The following RBMS3 variants were observed in gnomAD, a reference collection of about 807,000 sequenced individuals.
RBMS3 encodes RNA binding motif single stranded interacting protein 3.
In RBMS3, 27 loss-of-function variants were observed where a neutral mutation model predicts 66.8. The ratio of observed to expected loss-of-function variants is 0.40; its 90% CI spans 0.30 to 0.56. RBMS3 has a LOEUF of 0.56. RBMS3 is among the 20% of genes least tolerant of loss of function. The pLI is 0.40. For synonymous variants in RBMS3, 188 were observed against 183.0 expected, an observed-to-expected ratio of 1.03 and a Z score of -0.22; for missense variants, 513 against 549.5, an observed-to-expected ratio of 0.93 and a Z score of 0.66.
chr3:29,613,752 A>G (rs1225381992), intron 4 of RBMS3, among the ~76,000 whole-genome samples: 1 of 152,096 alleles, frequency 6.6e-6, no homozygotes, highest in African/African-American at 2.4e-5. Context: ...AATGCTCAAC[A>G]TCACTAATCA....
chr3:29,855,269 A>G lies in RBMS3; in HGVS notation c.638-13589A>G, dbSNP rs1478037430. On this transcript the variant is annotated intron_variant, in intron 6 of 14. Coordinates refer to ENST00000383767, the MANE Select transcript of RBMS3 (RefSeq NM_001003793.3). The stretch of plus-strand genomic sequence containing the variant: ...AAACTGAGTTGTGAAAATTAAGTCT[A>G]TTATCAGTAAAAAGATCATATATAT... Among the ~76,000 whole-genome samples the G allele has an allele frequency of 2.0e-5, 3 of 152,180 alleles. No individual in the cohort carries two copies. The East Asian group carries it at 5.8e-4, about 29-fold the overall frequency.
At chr3:29,431,035 G>A (rs913991727) in intron 1 of RBMS3, among the ~76,000 whole-genome samples, 4 of 152,122 alleles carry the variant, frequency 2.6e-5, no homozygotes, top group Non-Finnish European at 5.9e-5. Context: ...AGTTTTGTGA[G>A]GATTCCAAGA....
chr3:29,345,885 C>CA (rs1181793256), intron 1 of RBMS3, among the ~76,000 whole-genome samples: 3 of 152,140 alleles, frequency 2.0e-5, no homozygotes, highest in South Asian at 2.1e-4. Context: ...CCAGACTGTA[C>CA]AAATGGCCAG....
intron 3 of RBMS3, among the ~76,000 whole-genome samples, chr3:29,498,609 C>G (rs984467698): frequency 2.0e-5 from 3 of 152,124 alleles, no homozygotes; most frequent in African/African-American, 4.8e-5. Flanking sequence ...AAGTTATGAT[C>G]TTAGTTTCCT....
At chr3:29,426,049 G>C (rs1020586487) in intron 1 of RBMS3, among the ~76,000 whole-genome samples, 2 of 152,122 alleles carry the variant, frequency 1.3e-5, no homozygotes, top group Non-Finnish European at 2.9e-5. Flanking sequence ...ACACATCATG[G>C]CTCATTATTC....
intron 12 of RBMS3, among the ~76,000 whole-genome samples, chr3:29,981,873 T>C (rs554516195): frequency 1.3e-5 from 2 of 152,348 alleles, no homozygotes; most frequent in African/African-American, 4.8e-5. Context: ...ATCAGGGATA[T>C]TGGCCTGAAA....
At chr3:29,783,601 G>A (rs2056716898) in intron 6 of RBMS3, among the ~76,000 whole-genome samples, 2 of 151,904 alleles carry the variant, frequency 1.3e-5, no homozygotes. Context: ...CCTCCATAAA[G>A]CATAAACCTC....
intron 11 of RBMS3, among the ~76,000 whole-genome samples, chr3:29,936,628 A>G (rs1042367059): frequency 1.3e-5 from 2 of 152,130 alleles, no homozygotes; most frequent in African/African-American, 2.4e-5. Context: ...TATTAAATCA[A>G]TAAAGAGTAA....
chr3:29,782,408 G>C (rs1338545183), intron 6 of RBMS3, among the ~76,000 whole-genome samples: 1 of 152,178 alleles, frequency 6.6e-6, no homozygotes, highest in African/African-American at 2.4e-5. Context: ...GCTCCGCTGG[G>C]TGGCTAGATC....
chr3:29,304,448 T>G (rs1000257485), intron 1 of RBMS3, among the ~76,000 whole-genome samples: 1 of 151,936 alleles, frequency 6.6e-6, no homozygotes, highest in African/African-American at 2.4e-5. Context: ...TTCCTCTGCC[T>G]TCTTTAGATT....
At chr3:29,379,679 T>C (rs1031412000) in intron 1 of RBMS3, among the ~76,000 whole-genome samples, 1 of 152,226 alleles carries the variant, frequency 6.6e-6, no homozygotes, top group African/African-American at 2.4e-5. Flanking sequence ...CAAGTGGGAA[T>C]TCAAGATGAG....
At chr3:29,292,266 A>T (rs1258993817) in intron 1 of RBMS3, among the ~76,000 whole-genome samples, 1 of 151,688 alleles carries the variant, frequency 6.6e-6, no homozygotes, top group African/African-American at 2.4e-5. Flanking sequence ...AATGGTTCAG[A>T]TTTTCTCTGA....
intron 3 of RBMS3, among the ~76,000 whole-genome samples, chr3:29,531,293 C>A (rs1242219347): frequency 6.6e-6 from 1 of 152,212 alleles, no homozygotes; most frequent in Non-Finnish European, 1.5e-5. Flanking sequence ...TTAACAAGAT[C>A]TCTAGATGAT....
chr3:29,623,275 T>C (rs2048939596), intron 4 of RBMS3, among the ~76,000 whole-genome samples: 1 of 151,398 alleles, frequency 6.6e-6, no homozygotes. Flanking sequence ...CGCCGAGTAC[T>C]AGGCAATGAG....
chr3:29,458,345 C>T (rs1043924179), intron 2 of RBMS3, among the ~76,000 whole-genome samples: 23 of 152,080 alleles, frequency 1.5e-4, no homozygotes, highest in African/African-American at 4.3e-4. Flanking sequence ...TCAGATGGTT[C>T]GTAATGACTC....
chr3:29,614,557 AAAAAT>A (rs1228286986), intron 4 of RBMS3: 1 of 152,190 alleles, frequency 6.6e-6, no homozygotes, highest in Non-Finnish European at 1.5e-5. Context: ...ATTATGAAAC[AAAAAT>A]AAAATAAAAA....
At chr3:29,822,112 T>A (rs1195381167) in intron 6 of RBMS3, among the ~76,000 whole-genome samples, 2 of 152,236 alleles carry the variant, frequency 1.3e-5, no homozygotes, top group Non-Finnish European at 2.9e-5. Context: ...AGCTTTCTTG[T>A]GTGCTTTTCA....
chr3:30,009,034 G>C lies in RBMS3; in HGVS notation c.*5172G>C, dbSNP rs748681877. 2.1e-4 allele frequency: 32 copies of C among 152,032 alleles called. No homozygotes were observed. The highest frequency in any genetic ancestry group is 3.7e-4 in the Non-Finnish European group (25 of 67,968). 9.4% of individuals were successfully genotyped at this position (152,032 alleles called of 1,614,324 possible). ...TCAATATTCATTTCTGTTTATTTTT[G>C]TGAGGGAAAATAATATATCAAGAAA... On this transcript the variant is annotated 3_prime_UTR_variant, in exon 15 of 15. Coordinates refer to ENST00000383767, the MANE Select transcript of RBMS3 (RefSeq NM_001003793.3).
At position 30,006,385 on chromosome 3, in the gene RBMS3, G is replaced by A. The variant is rs1049907091; in HGVS notation, c.*2523G>A. The stretch of plus-strand genomic sequence containing the variant: ...CAGAGAATGACTCCATATATTTATG[G>A]TCACATTGGAGACAAAAGTGTATCC... On this transcript the variant is annotated 3_prime_UTR_variant, in exon 15 of 15. Coordinates refer to ENST00000383767, the MANE Select transcript of RBMS3 (RefSeq NM_001003793.3). The A allele has an allele frequency of 5.3e-5, 8 of 151,794 alleles. No individual in the cohort carries two copies. Among genetic ancestry groups the A allele is most frequent in the African/African-American group, 1.9e-4 (8 of 41,362 alleles). 9.4% of individuals were successfully genotyped at this position (151,794 alleles called of 1,614,324 possible).
Sources: gnomAD v4.1 joint callset for allele counts (sites outside exome capture counted in the v4.1 genomes callset) on GRCh38, gnomAD v4.1.1 for gene constraint, MANE v1.5 for transcripts, NCBI Gene and HGNC (gene_info 2026-07-23, HGNC 2026-07-21) for gene names.